Variants in SKP2 observed in about 807,000 individuals in gnomAD.
SKP2 encodes the protein S-phase kinase associated protein 2.
A neutral mutation model predicts 51.8 loss-of-function variants in SKP2; 16 were observed. The observed-to-expected ratio is 0.31, with a 90% CI of 0.21 to 0.47. The LOEUF is 0.47. Ranked by LOEUF, SKP2 falls within the 20% of genes least tolerant of loss-of-function variation. The pLI is 1.00. For missense variants in SKP2, 377 were observed against 505.3 expected (o/e 0.75, Z 2.43); for synonymous variants, 176 against 198.6 (o/e 0.89, Z 0.96).
At chr5:36,173,637 T>C (rs1047670210) in intron 7 of SKP2, among the ~76,000 whole-genome samples, 2 of 152,176 alleles carry the variant, frequency 1.3e-5, no homozygotes, top group Non-Finnish European at 2.9e-5. Flanking sequence ...TCTTTCCCTT[T>C]GTTCCTCCAA....
At position 36,163,544 on chromosome 5, in the gene SKP2, T is replaced by C. The variant is rs1008137130; in HGVS notation, c.281-101T>C. ...AATTTAATTTGTGCTAAATTCCTCA[T>C]TTAAGCTAAATGTTGTATATTCTTT... is the stretch of plus-strand genomic sequence containing the variant. On this transcript the variant is annotated intron_variant, in intron 2 of 9. Transcript: ENST00000274255. 3 of 699,932 alleles carry C rather than the reference T, an allele frequency of 4.3e-6. No individual in the cohort carries two copies. In the African/African-American group the frequency reaches 5.3e-5, roughly 12 times the overall value. The allele number at this position is 699,932 out of a possible 1,614,324, so 43.4% of individuals were successfully genotyped here.
At chr5:36,174,436 C>T (rs766300157) in intron 7 of SKP2, among the ~76,000 whole-genome samples, 38 of 152,112 alleles carry the variant, frequency 2.5e-4, no homozygotes, top group Non-Finnish European at 4.9e-4. Context: ...ATGATTGCAT[C>T]AGATTTTGCT....
chr5:36,152,596 GTTCTT>G (rs1175008360), intron 1 of SKP2, among the ~76,000 whole-genome samples, 170 bp from the exon 2 acceptor site: 1 of 152,144 alleles, frequency 6.6e-6, no homozygotes, highest in Non-Finnish European at 1.5e-5. Context: ...TTCTCGATTT[GTTCTT>G]TTCATTTCTT....
At chr5:36,177,358 A>C in intron 9 of SKP2, 66 bp downstream of exon 9, 1 of 970,664 alleles carries the variant, frequency 1.0e-6, no homozygotes, top group Non-Finnish European at 1.7e-6. Context: ...CCTTGGTGTG[A>C]AAATCCATTT....
intron 2 of SKP2, among the ~76,000 whole-genome samples, chr5:36,154,609 ACT>A (rs1357107396): frequency 1.3e-5 from 2 of 152,174 alleles, no homozygotes; most frequent in Non-Finnish European, 2.9e-5. Context: ...CTCTTGGCTC[ACT>A]GTCTTCACCT....
chr5:36,167,663 C>A (rs1745329706), intron 4 of SKP2, among the ~76,000 whole-genome samples: 1 of 152,224 alleles, frequency 6.6e-6, no homozygotes, highest in South Asian at 2.1e-4. Context: ...CTGTGTCACC[C>A]AGGCTGGAGT....
intron 2 of SKP2, among the ~76,000 whole-genome samples, chr5:36,159,216 A>G (rs1374217600): frequency 6.6e-6 from 1 of 152,216 alleles, no homozygotes; most frequent in African/African-American, 2.4e-5. Flanking sequence ...AAAGTCCTCC[A>G]GACTTTGGAG....
downstream of SKP2, among the ~76,000 whole-genome samples, chr5:36,187,325 G>A (rs1019359960): frequency 6.6e-6 from 1 of 152,130 alleles, no homozygotes; most frequent in Non-Finnish European, 1.5e-5. Flanking sequence ...CAATTGTGAT[G>A]TTAGGGTATC....
Position 36,152,745 on chromosome 5 carries a change from A to AC in SKP2, c.9-24dup, listed in dbSNP as rs746468702. 2.2e-5 allele frequency: 36 copies of AC among 1,605,630 alleles called. No homozygotes were observed. The South Asian group carries it at 3.6e-4, about 16-fold the overall frequency. On this transcript the variant is annotated intron_variant, in intron 1 of 9. Coordinates refer to ENST00000274255, the MANE Select transcript of SKP2 (RefSeq NM_005983.4). ...ATTTATGGGTGTGTTTTCGAAAGGA[A>AC]CCGGGGGTATTGTGCACTTCTGCAG...
At chr5:36,178,967 A>G (rs971729658) in intron 9 of SKP2, among the ~76,000 whole-genome samples, 7 of 152,152 alleles carry the variant, frequency 4.6e-5, no homozygotes, top group Non-Finnish European at 1.0e-4. Flanking sequence ...ATTGATAGTT[A>G]CAAACACGGG....
In SKP2 at chr5:36,177,276, A is replaced by G; in HGVS notation, c.1045A>G (p.Ile349Val). The G allele has an allele frequency of 1.2e-6, 2 of 1,602,106 alleles. No individual in the cohort carries two copies. The highest frequency in any genetic ancestry group is 1.7e-6 in the Non-Finnish European group (2 of 1,169,492). ...HLSLSRCYDI[I>V]PETLLELGEI... ...ATCACTCAGTCGGTGCTATGATATAATACCTGAAACTTTACTGTAAGTATG... is the reference window on the plus strand; with the variant it reads ...ATCACTCAGTCGGTGCTATGATATAGTACCTGAAACTTTACTGTAAGTATG... Residue 349 changes from isoleucine (I) to valine (V), a missense_variant, in exon 9 of 10, where the codon ATA becomes GTA. Physicochemically the swap from Ile to Val is conservative, Grantham distance 29. This residue lies in a region of SKP2 where 262 missense variants were observed against 389.8 expected (regional missense o/e 0.67). Coordinates refer to ENST00000274255, the MANE Select transcript of SKP2 (RefSeq NM_005983.4).
Position 36,177,349 on chromosome 5 carries a change from C to T in SKP2, c.1061+57C>T, listed in dbSNP as rs1745667485. 17 of 1,048,642 alleles carry T rather than the reference C, an allele frequency of 1.6e-5. No individual in the cohort carries two copies. In the South Asian group the frequency reaches 1.9e-4, roughly 12 times the overall value. The allele number at this position is 1,048,642 out of a possible 1,614,324, so 65.0% of individuals were successfully genotyped here. A position where few individuals can be genotyped will look rare whatever the true frequency, so the allele number is the denominator to read the frequency against. On this transcript the variant is annotated intron_variant, in intron 9 of 9. Coordinates refer to ENST00000274255, the MANE Select transcript of SKP2 (RefSeq NM_005983.4). ...AAGGCAGGAAACAACAGAGATGCCC[C>T]TTGGTGTGAAAATCCATTTTTATTA...
downstream of SKP2, among the ~76,000 whole-genome samples, chr5:36,188,150 A>T (rs1745973587): frequency 6.6e-6 from 1 of 152,164 alleles, no homozygotes; most frequent in African/African-American, 2.4e-5. Flanking sequence ...GGGTCTCCTG[A>T]ATAGAGCACA....
rs151168858 is a variant in SKP2, at chr5:36,177,376, T to TAG, written c.1061+86_1061+87dup. ...TGGTGTGAAAATCCATTTTTATTAA[T>TAG]AGACATATGAAACCGAAACATTAGT... On this transcript the variant is annotated intron_variant, in intron 9 of 9. Coordinates refer to ENST00000274255, the MANE Select transcript of SKP2 (RefSeq NM_005983.4). The TAG allele has an allele frequency of 2.7e-3, 2,308 of 850,256 alleles. 47 individuals carry two copies. The African/African-American group carries it at 0.034, about 13-fold the overall frequency. The allele number at this position is 850,256 out of a possible 1,614,324, so 52.7% of individuals were successfully genotyped here.
intron 2 of SKP2, among the ~76,000 whole-genome samples, chr5:36,155,628 T>C (rs974444501): frequency 6.6e-6 from 1 of 152,142 alleles, no homozygotes; most frequent in Non-Finnish European, 1.5e-5. Context: ...TAGTATAAAA[T>C]TTTTTTTCTT....
chr5:36,152,184 C>G lies in SKP2; in HGVS notation c.-79C>G. 1.3e-6 allele frequency: 2 copies of G among 1,523,636 alleles called. No individual in the cohort carries two copies. The highest frequency in any genetic ancestry group is 1.8e-6 in the Non-Finnish European group (2 of 1,099,000). The allele number at this position is 1,523,636 out of a possible 1,614,324, so 94.4% of individuals were successfully genotyped here. ...CCGAGCAGCACGCTCGGAGCCGCCG[C>G]GCGCCAAAGCGGGAATCTGGGAGGC... On this transcript the variant is annotated 5_prime_UTR_variant, in exon 1 of 10. Coordinates refer to ENST00000274255, the MANE Select transcript of SKP2 (RefSeq NM_005983.4).
At chr5:36,154,746 G>T (rs1282808272) in intron 2 of SKP2, among the ~76,000 whole-genome samples, 3 of 152,100 alleles carry the variant, frequency 2.0e-5, no homozygotes, top group African/African-American at 7.2e-5. Flanking sequence ...TCACCATCTT[G>T]CCCAGGCTGG....
rs145622247 is a variant in SKP2 at position 36,165,726 on chromosome 5, A to G, written c.393-793A>G. Among the ~76,000 whole-genome samples, 200 of 152,326 alleles carry G rather than the reference A, an allele frequency of 1.3e-3. 1 individual carries two copies. The highest frequency in any genetic ancestry group is 4.4e-3 in the African/African-American group (184 of 41,572). On this transcript the variant is annotated intron_variant, in intron 3 of 9. Coordinates refer to ENST00000274255, the MANE Select transcript of SKP2 (RefSeq NM_005983.4). ...GGTCCACTTATTTCAAGCACTATTAAAAAAGAAAATTCTAGTACACCTAAG... is the reference window on the plus strand; with the variant it reads ...GGTCCACTTATTTCAAGCACTATTAGAAAAGAAAATTCTAGTACACCTAAG...
At chr5:36,164,612 G>A (rs554383112) in intron 3 of SKP2, among the ~76,000 whole-genome samples, 11 of 152,292 alleles carry the variant, frequency 7.2e-5, no homozygotes, top group Non-Finnish European at 1.0e-4. Flanking sequence ...CTTCAAGGGC[G>A]TGCTGCTATT....
Sources: gnomAD v4.1 joint callset for allele counts (sites outside exome capture counted in the v4.1 genomes callset) on GRCh38, gnomAD v4.1.1 for gene constraint, gnomAD v4.1.1 regional missense constraint, MANE v1.5 for transcripts, NCBI Gene and HGNC (gene_info 2026-07-23, HGNC 2026-07-21) for gene names.